CSMD1: variants seen among roughly 807,000 people sequenced by gnomAD.
CSMD1 encodes CUB and sushi domain-containing protein 1.
Under a neutral mutation model 417.5 loss-of-function variants are expected in CSMD1, and 213 were observed. The observed-to-expected ratio is 0.51, with a 90% confidence interval of 0.46 to 0.57. CSMD1 has a LOEUF of 0.57. Ranked by LOEUF, CSMD1 falls within the 20% of genes least tolerant of loss-of-function variation. The pLI is 0.00. For synonymous variants in CSMD1, 2,862 were observed against 1,736.8 expected (o/e 1.65, Z -16.11); for missense variants, 6,923 against 4,529.7 (o/e 1.53, Z -15.17).
At chr8:3,344,571 A>G (rs1228064598) in intron 22 of CSMD1, among the ~76,000 whole-genome samples, 3 of 152,224 alleles carry the variant, frequency 2.0e-5, no homozygotes, top group Non-Finnish European at 4.4e-5. Context: ...AGGGGGCTGT[A>G]AAAATAAACA....
intron 41 of CSMD1, among the ~76,000 whole-genome samples, chr8:3,126,739 C>A (rs991639810): frequency 6.6e-6 from 1 of 152,174 alleles, no homozygotes; most frequent in African/African-American, 2.4e-5. Flanking sequence ...TCTCTTAGCT[C>A]CTAGTCCCAG....
At chr8:3,823,421 T>C (rs186580984) in intron 5 of CSMD1, among the ~76,000 whole-genome samples, 1 of 152,302 alleles carries the variant, frequency 6.6e-6, no homozygotes, top group African/African-American at 2.4e-5. Context: ...TGATATTTCT[T>C]ATGCAAAATT....
chr8:3,828,846 G>T (rs757208381), intron 5 of CSMD1, among the ~76,000 whole-genome samples: 16 of 152,038 alleles, frequency 1.1e-4, no homozygotes, highest in Non-Finnish European at 2.2e-4. Context: ...AACTCCACGA[G>T]ATTTTGTCTT....
intron 11 of CSMD1, among the ~76,000 whole-genome samples, chr8:3,479,873 G>A (rs181643872): frequency 7.2e-5 from 11 of 152,032 alleles, no homozygotes; most frequent in East Asian, 3.9e-4. Flanking sequence ...GAAAAAAAAC[G>A]ATAAATCTAA....
intron 3 of CSMD1, among the ~76,000 whole-genome samples, chr8:4,229,001 T>C (rs1006086011): frequency 2.0e-5 from 3 of 152,134 alleles, no homozygotes; most frequent in African/African-American, 7.2e-5. Flanking sequence ...ACCTGGACTT[T>C]TCCATGAAAT....
At chr8:3,003,606 T>C (rs187010677) in intron 52 of CSMD1, among the ~76,000 whole-genome samples, 1 of 152,304 alleles carries the variant, frequency 6.6e-6, no homozygotes, top group East Asian at 1.9e-4. Context: ...TGATTTGTTG[T>C]GGGTTGCAAT....
At chr8:3,111,476 T>A (rs1816511574) in intron 42 of CSMD1, among the ~76,000 whole-genome samples, 1 of 152,130 alleles carries the variant, frequency 6.6e-6, no homozygotes, top group Non-Finnish European at 1.5e-5. Context: ...CCTGGGAGCC[T>A]CCACTTCTAT....
intron 3 of CSMD1, among the ~76,000 whole-genome samples, chr8:4,069,810 C>T (rs1437473889): frequency 6.6e-6 from 1 of 152,214 alleles, no homozygotes; most frequent in African/African-American, 2.4e-5. Flanking sequence ...TACTCGACAA[C>T]TCACTACTGA....
intron 1 of CSMD1, among the ~76,000 whole-genome samples, chr8:4,688,825 G>C (rs529257993): frequency 1.3e-5 from 2 of 152,196 alleles, no homozygotes; most frequent in Non-Finnish European, 2.9e-5. Flanking sequence ...ATCGCAAGTG[G>C]TCTGATGTGA....
intron 2 of CSMD1, among the ~76,000 whole-genome samples, chr8:4,623,500 C>G (rs1312072701): frequency 1.3e-5 from 2 of 151,984 alleles, no homozygotes; most frequent in East Asian, 1.9e-4. Flanking sequence ...AGTAATTAAA[C>G]TATTTTCCCC....
chr8:4,967,579 T>C (rs1243156817), intron 1 of CSMD1, among the ~76,000 whole-genome samples: 1 of 152,188 alleles, frequency 6.6e-6, no homozygotes, highest in Non-Finnish European at 1.5e-5. Context: ...TTATTAACTA[T>C]TTTTAATTTT....
At chr8:4,211,919 T>C (rs1800335072) in intron 3 of CSMD1, among the ~76,000 whole-genome samples, 1 of 152,198 alleles carries the variant, frequency 6.6e-6, no homozygotes, top group South Asian at 2.1e-4. Context: ...CAATGTACTA[T>C]TAGGAAGAAA....
intron 3 of CSMD1, among the ~76,000 whole-genome samples, chr8:4,309,852 T>A (rs1209485783): frequency 6.6e-6 from 1 of 152,212 alleles, no homozygotes; most frequent in Non-Finnish European, 1.5e-5. Context: ...GAGTATTTTC[T>A]CTGCAGACAC....
chr8:4,132,005 C>G (rs1014281600), intron 3 of CSMD1, among the ~76,000 whole-genome samples: 2 of 151,870 alleles, frequency 1.3e-5, no homozygotes, highest in Non-Finnish European at 2.9e-5. Context: ...ACCTCGTGAT[C>G]CCTGTGACTA....
chr8:3,501,201 T>A (rs1030015999), intron 10 of CSMD1, among the ~76,000 whole-genome samples: 6 of 152,194 alleles, frequency 3.9e-5, no homozygotes, highest in African/African-American at 1.4e-4. Context: ...ATATATCAAC[T>A]GATCTCTATG....
chr8:4,750,253 C>G (rs1047641649), intron 1 of CSMD1, among the ~76,000 whole-genome samples: 1 of 151,112 alleles, frequency 6.6e-6, no homozygotes, highest in East Asian at 1.9e-4. Context: ...GTGATCCGCC[C>G]GCCTCGGCCT....
chr8:3,514,536 T>G (rs1426357938), intron 10 of CSMD1, among the ~76,000 whole-genome samples: 1 of 152,218 alleles, frequency 6.6e-6, no homozygotes, highest in African/African-American at 2.4e-5. Flanking sequence ...AAGTAATGTT[T>G]CACAAATAAA....
chr8:3,282,421 G>A (rs1802809659), intron 26 of CSMD1, among the ~76,000 whole-genome samples: 2 of 152,162 alleles, frequency 1.3e-5, no homozygotes, highest in South Asian at 2.1e-4. Flanking sequence ...ATGGAAAGAA[G>A]AGGAAAATGA....
At chr8:4,318,264 T>C (rs1451367773) in intron 3 of CSMD1, among the ~76,000 whole-genome samples, 1 of 152,116 alleles carries the variant, frequency 6.6e-6, no homozygotes, top group Non-Finnish European at 1.5e-5. Flanking sequence ...TTGGTAACAT[T>C]TTTCCTTAAT....
Sources: allele counts gnomAD v4.1 joint callset (sites outside exome capture counted in the v4.1 genomes callset), GRCh38; gene constraint gnomAD v4.1.1; transcripts MANE v1.5; gene names NCBI Gene and HGNC (gene_info 2026-07-23, HGNC 2026-07-21).